PTGR1: variants seen among roughly 807,000 people sequenced by gnomAD.
PTGR1 encodes 15-oxoprostaglandin 13-reductase.
In PTGR1, 23 loss-of-function variants were observed where a neutral mutation model predicts 37.7. That is an observed-to-expected ratio of 0.61 (90% confidence interval 0.44 to 0.86). The LOEUF (loss-of-function observed/expected upper bound fraction) is 0.86, where lower values mean the gene tolerates loss of function less well. Ranked by LOEUF, PTGR1 falls within the 40% of genes least tolerant of loss-of-function variation. The pLI is 0.00. For missense variants in PTGR1, 351 were observed against 394.3 expected, an observed-to-expected ratio of 0.89 and a Z score of 0.93; for synonymous variants, 134 against 140.0, an observed-to-expected ratio of 0.96 and a Z score of 0.30.
At chr9:111,594,829 C>T (rs1207860935) in intron 2 of PTGR1, among the ~76,000 whole-genome samples, 2 of 146,692 alleles carry the variant, frequency 1.4e-5, no homozygotes, top group Admixed American at 6.9e-5. Flanking sequence ...GGATTACAAG[C>T]GTGAGCCACT....
intron 9 of PTGR1, among the ~76,000 whole-genome samples, chr9:111,553,714 A>G (rs919390853): frequency 6.6e-6 from 1 of 152,236 alleles, no homozygotes; most frequent in South Asian, 2.1e-4. Context: ...CAAAATAAAG[A>G]TACGTTTAGT....
rs927934215 is a variant in PTGR1 at position 111,589,322 on chromosome 9, G to A, written c.210-3157C>T. The A allele has an allele frequency of 5.0e-6, 4 of 807,030 alleles. No homozygotes were observed. In the African/African-American group the frequency reaches 7.5e-5, roughly 15 times the overall value. The allele number at this position is 807,030 out of a possible 1,614,324, so 50.0% of individuals were successfully genotyped here. On this transcript the variant is annotated intron_variant, in intron 4 of 9. Transcript: ENST00000407693. ...AGTTTCCTCTAAATAAATCTGTAAG[G>A]TCACTGAAATTCCAGTAAAGATCCA...
intron 9 of PTGR1, among the ~76,000 whole-genome samples, chr9:111,550,141 G>A (rs997168952): frequency 5.2e-4 from 79 of 152,122 alleles, no homozygotes; most frequent in African/African-American, 1.7e-3. Flanking sequence ...TGTGTTGAAT[G>A]CCTAAAGTTG....
chr9:111,570,017 G>A (rs762364479), intron 9 of PTGR1, 74 bp downstream of exon 9: 1 of 1,595,514 alleles, frequency 6.3e-7, no homozygotes, highest in Admixed American at 1.8e-5. Context: ...AGAATTGGTA[G>A]AACAAAAGCC....
chr9:111,596,944 A>G (rs1355771321), intron 2 of PTGR1, among the ~76,000 whole-genome samples: 1 of 151,380 alleles, frequency 6.6e-6, no homozygotes, highest in Non-Finnish European at 1.5e-5. Context: ...AAAAAAAAAA[A>G]AAAAGAGAAA....
Position 111,563,010 on chromosome 9 carries a change from T to C in PTGR1, c.*111A>G. ...TATTTTATTAAGTAGCTCAAACTCA[T>C]TATGAGTACTATTTCTTAAGACATT... On this transcript the variant is annotated 3_prime_UTR_variant, in exon 10 of 10. Transcript: ENST00000407693. The C allele has an allele frequency of 1.4e-6, 2 of 1,464,630 alleles. No homozygotes were observed. The highest frequency in any genetic ancestry group is 2.4e-5 in the East Asian group (1 of 41,030). 90.7% of individuals were successfully genotyped at this position (1,464,630 alleles called of 1,614,324 possible).
chr9:111,592,985 GCAAAA>G lies in PTGR1; in HGVS notation c.153-8_153-4del. On this transcript the variant is annotated splice_polypyrimidine_tract_variant and splice_region_variant and intron_variant, in intron 3 of 9. Coordinates refer to ENST00000407693, the MANE Select transcript of PTGR1 (RefSeq NM_001146108.2). ...CCTTCAATCTTTTGGCTGCCACTCT[GCAAAA>G]AAAAAAAAAAAAAAAAAAAAAAAAA... 5.2e-6 allele frequency: 3 copies of G among 580,896 alleles called. No homozygotes were observed. The highest frequency in any genetic ancestry group is 6.7e-6 in the Non-Finnish European group (3 of 449,288). The allele number at this position is 580,896 out of a possible 1,614,324, so 36.0% of individuals were successfully genotyped here.
intron 6 of PTGR1, among the ~76,000 whole-genome samples, chr9:111,580,709 C>T (rs1490606332): frequency 3.3e-5 from 5 of 150,424 alleles, no homozygotes; most frequent in South Asian, 2.1e-4. Context: ...GAGCTGAGAT[C>T]GCACCATTGC....
intron 6 of PTGR1, among the ~76,000 whole-genome samples, chr9:111,580,556 G>A (rs533662917): frequency 8.1e-4 from 124 of 152,198 alleles, no homozygotes; most frequent in Middle Eastern, 3.4e-3. Context: ...GGGAGTTCGA[G>A]ACCAGCCTGA....
chr9:111,551,181 A>C (rs1398960543), intron 9 of PTGR1, among the ~76,000 whole-genome samples: 1 of 152,260 alleles, frequency 6.6e-6, no homozygotes, highest in South Asian at 2.1e-4. Flanking sequence ...TAATCAATGT[A>C]AAAAAGTATT....
chr9:111,588,524 T>C (rs533909263), intron 4 of PTGR1, among the ~76,000 whole-genome samples: 2 of 142,866 alleles, frequency 1.4e-5, no homozygotes, highest in African/African-American at 5.3e-5. Flanking sequence ...GCCACGTGCC[T>C]GGCCAATTTT....
chr9:111,560,277 G>A (rs993231743), downstream of PTGR1, among the ~76,000 whole-genome samples: 2 of 151,782 alleles, frequency 1.3e-5, no homozygotes, highest in Non-Finnish European at 1.5e-5. Context: ...TCAGGAGATC[G>A]AGACCATCCT....
intron 9 of PTGR1, chr9:111,564,359 G>A (rs969426848): frequency 2.3e-6 from 1 of 438,010 alleles, no homozygotes; most frequent in Non-Finnish European, 3.2e-6. Flanking sequence ...AGGTTTGAGT[G>A]CAGTGGCACA....
intron 5 of PTGR1, among the ~76,000 whole-genome samples, chr9:111,585,018 A>G (rs1038204278): frequency 6.6e-6 from 1 of 152,208 alleles, no homozygotes; most frequent in African/African-American, 2.4e-5. Context: ...AGCCACTTGC[A>G]GAATTTCAGA....
At chr9:111,582,373 ATAT>A (rs1180701325) in intron 6 of PTGR1, among the ~76,000 whole-genome samples, 1 of 152,242 alleles carries the variant, frequency 6.6e-6, no homozygotes, top group African/African-American at 2.4e-5. Context: ...TGAAATTGGA[ATAT>A]TTAGAAATAA....
At position 111,570,525 on chromosome 9, in the gene PTGR1, T is replaced by A. The variant is rs567434140; in HGVS notation, c.761-316A>T. Among the ~76,000 whole-genome samples the A allele has an allele frequency of 5.3e-5, 8 of 151,866 alleles. No homozygotes were observed. In the South Asian group the frequency reaches 1.7e-3, roughly 32 times the overall value. ...GTGGCTCACACCTGTAATCCCAGCA[T>A]TTTGGGAGGCCAAGGCGGGCAGATC... On this transcript the variant is annotated intron_variant, in intron 8 of 9. Transcript: ENST00000407693.
At chr9:111,580,406 A>G (rs1429504981) in intron 6 of PTGR1, among the ~76,000 whole-genome samples, 1 of 152,194 alleles carries the variant, frequency 6.6e-6, no homozygotes, top group East Asian at 1.9e-4. Context: ...CCTTTGTCTT[A>G]TGATCCATGT....
At chr9:111,597,251 T>A (rs1829807729) in intron 2 of PTGR1, 66 bp downstream of exon 2, 1 of 1,239,468 alleles carries the variant, frequency 8.1e-7, no homozygotes, top group Non-Finnish European at 1.2e-6. Flanking sequence ...TGGGGTAGTT[T>A]GTTATGCAGC....
At chr9:111,577,056 A>C (rs1829089480) in intron 7 of PTGR1, 1 of 151,992 alleles carries the variant, frequency 6.6e-6, no homozygotes, top group Admixed American at 6.6e-5. Flanking sequence ...GCGCCACTGC[A>C]CTCCAGCCTG....
Sources: allele counts gnomAD v4.1 joint callset (sites outside exome capture counted in the v4.1 genomes callset), GRCh38; gene constraint gnomAD v4.1.1; transcripts MANE v1.5; gene names NCBI Gene and HGNC (gene_info 2026-07-23, HGNC 2026-07-21).